Variants in DOCK3 observed in about 807,000 individuals in gnomAD.
DOCK3 encodes dedicator of cytokinesis 3.
In DOCK3, 60 loss-of-function variants were observed where a neutral mutation model predicts 265.6. The ratio of observed to expected loss-of-function variants is 0.23; its 90% CI spans 0.18 to 0.28. The LOEUF (loss-of-function observed/expected upper bound fraction) is 0.28, where lower values mean the gene tolerates loss of function less well. Among genes scored for constraint, DOCK3 ranks in the 10% least tolerant of loss-of-function variants. DOCK3 has a pLI of 1.00. For missense variants in DOCK3, 1,981 were observed against 2,594.3 expected, an observed-to-expected ratio of 0.76 and a Z score of 5.14; for synonymous variants, 881 against 938.0, an observed-to-expected ratio of 0.94 and a Z score of 1.11.
At chr3:50,679,030 G>T (rs1236963218) in intron 1 of DOCK3, among the ~76,000 whole-genome samples, 1 of 152,196 alleles carries the variant, frequency 6.6e-6, no homozygotes, top group Non-Finnish European at 1.5e-5. Flanking sequence ...AGCCAGGAGG[G>T]CCTCAATCTC....
intron 1 of DOCK3, among the ~76,000 whole-genome samples, chr3:50,717,961 A>T (rs2037232240): frequency 6.6e-6 from 1 of 152,128 alleles, no homozygotes; most frequent in Non-Finnish European, 1.5e-5. Context: ...AAATAATCTT[A>T]TACTTCTTAC....
chr3:51,200,819 G>A (rs368187882), intron 12 of DOCK3, among the ~76,000 whole-genome samples: 57 of 152,176 alleles, frequency 3.7e-4, no homozygotes, highest in East Asian at 2.3e-3. Context: ...GACTAACAGC[G>A]GATCTCTTGG....
chr3:51,187,954 T>C (rs2087715889), intron 12 of DOCK3, among the ~76,000 whole-genome samples: 1 of 152,138 alleles, frequency 6.6e-6, no homozygotes, highest in Admixed American at 6.5e-5. Context: ...TGGTACAGAA[T>C]GATTTCTCAA....
chr3:51,040,418 T>G (rs2109019557), intron 5 of DOCK3, among the ~76,000 whole-genome samples: 1 of 152,300 alleles, frequency 6.6e-6, no homozygotes, highest in African/African-American at 2.4e-5. Context: ...TACCTTAATT[T>G]TAAAATACTT....
chr3:51,147,633 T>C (rs2085365192), intron 10 of DOCK3, among the ~76,000 whole-genome samples: 1 of 152,182 alleles, frequency 6.6e-6, no homozygotes, highest in Non-Finnish European at 1.5e-5. Flanking sequence ...GAGTGATGGT[T>C]TCCAGCTTCA....
intron 4 of DOCK3, among the ~76,000 whole-genome samples, chr3:50,910,970 C>T (rs1392240313): frequency 6.6e-6 from 1 of 151,436 alleles, no homozygotes; most frequent in African/African-American, 2.4e-5. Flanking sequence ...TCTATTTGGC[C>T]ATCTTGCTAT....
intron 5 of DOCK3, among the ~76,000 whole-genome samples, chr3:50,956,077 T>A (rs549602138): frequency 1.4e-4 from 21 of 148,764 alleles, no homozygotes; most frequent in East Asian, 3.9e-4. Flanking sequence ...TTTTTTTTTT[T>A]AAAATGCTGG....
intron 2 of DOCK3, among the ~76,000 whole-genome samples, chr3:50,822,053 G>A (rs541193326): frequency 6.6e-6 from 1 of 152,248 alleles, no homozygotes; most frequent in South Asian, 2.1e-4. Context: ...AATGACAGTA[G>A]TTTGATAGGA....
At chr3:51,059,771 C>T (rs976942161) in intron 5 of DOCK3, among the ~76,000 whole-genome samples, 20 of 152,186 alleles carry the variant, frequency 1.3e-4, no homozygotes, top group Non-Finnish European at 2.6e-4. Flanking sequence ...ATTCTGTACC[C>T]TTCCTCTCTG....
chr3:50,744,861 C>A (rs767489395), intron 1 of DOCK3, among the ~76,000 whole-genome samples: 1 of 152,110 alleles, frequency 6.6e-6, no homozygotes, highest in African/African-American at 2.4e-5. Context: ...GGTCTTGGCA[C>A]CCTTGTTAAA....
intron 2 of DOCK3, among the ~76,000 whole-genome samples, chr3:50,809,839 A>G (rs182821050): frequency 1.6e-4 from 24 of 152,340 alleles, no homozygotes; most frequent in African/African-American, 5.0e-4. Context: ...GAATCAGGCA[A>G]AACTGAATCA....
chr3:50,848,189 G>T (rs184528277), intron 3 of DOCK3, among the ~76,000 whole-genome samples: 245 of 152,210 alleles, frequency 1.6e-3, no homozygotes, highest in African/African-American at 5.5e-3. Context: ...TATGGGTGTT[G>T]TCACATCTGA....
chr3:50,838,386 A>G (rs943520349), intron 2 of DOCK3, among the ~76,000 whole-genome samples: 1 of 152,238 alleles, frequency 6.6e-6, no homozygotes, highest in Admixed American at 6.5e-5. Flanking sequence ...ACAAAAATTT[A>G]TATCTGAAAA....
At position 51,059,490 on chromosome 3, in the gene DOCK3, CA is replaced by C. The variant is rs1560003766; in HGVS notation, c.316-4957del. Among the ~76,000 whole-genome samples, 1,138 of 148,052 alleles carry C rather than the reference CA, an allele frequency of 7.7e-3. 15 individuals are homozygous for C. Among genetic ancestry groups the C allele is most frequent in the African/African-American group, 0.02 (805 of 40,854 alleles). Reference sequence around the variant, plus strand: ...ACACACACACACACACACACACACACACACCCCACATCCCACATTACTTTTA... The same window carrying C: ...ACACACACACACACACACACACACACCACCCCACATCCCACATTACTTTTA... On this transcript the variant is annotated intron_variant, in intron 5 of 52. Transcript: ENST00000266037.
intron 27 of DOCK3, among the ~76,000 whole-genome samples, chr3:51,286,855 T>C (rs546512571): frequency 6.6e-6 from 1 of 152,270 alleles, no homozygotes; most frequent in African/African-American, 2.4e-5. Context: ...CCTAAAATTA[T>C]AAAAACTCTG....
chr3:51,128,696 C>T (rs2084377029), intron 9 of DOCK3, among the ~76,000 whole-genome samples: 1 of 152,210 alleles, frequency 6.6e-6, no homozygotes, highest in African/African-American at 2.4e-5. Context: ...CCACAGCTGG[C>T]TGATCACCTT....
At chr3:50,847,903 A>AAAAAAAAAAC (rs1553682502) in intron 3 of DOCK3, among the ~76,000 whole-genome samples, 1 of 149,666 alleles carries the variant, frequency 6.7e-6, no homozygotes, top group African/African-American at 2.4e-5. Flanking sequence ...AAAAAAAAAA[A>AAAAAAAAAAC]TCCCCCACAG....
At chr3:51,032,156 A>T (rs1409656283) in intron 5 of DOCK3, among the ~76,000 whole-genome samples, 2 of 148,384 alleles carry the variant, frequency 1.3e-5, no homozygotes, top group Admixed American at 1.3e-4. Flanking sequence ...ATAAGTGTGC[A>T]TGTTAATTCC....
chr3:51,237,197 C>T (rs2078384539), intron 20 of DOCK3, among the ~76,000 whole-genome samples: 1 of 152,106 alleles, frequency 6.6e-6, no homozygotes, highest in African/African-American at 2.4e-5. Context: ...ATTGTTTTGC[C>T]TTTCCCTGAT....
Sources: allele counts gnomAD v4.1 joint callset (sites outside exome capture counted in the v4.1 genomes callset), GRCh38; gene constraint gnomAD v4.1.1; transcripts MANE v1.5; gene names NCBI Gene and HGNC (gene_info 2026-07-23, HGNC 2026-07-21).